Variants in TPI1 observed in about 807,000 individuals in gnomAD.
TPI1 encodes triosephosphate isomerase 1.
TPI1 carries 11 observed loss-of-function variants against 31.0 expected under a neutral mutation model. The observed-to-expected ratio is 0.36, with a 90% confidence interval of 0.22 to 0.59. The LOEUF is 0.59. TPI1 is among the 20% of genes least tolerant of loss of function. The pLI is 0.79. For missense variants in TPI1, 245 were observed against 319.7 expected, an observed-to-expected ratio of 0.77 and a Z score of 1.78; for synonymous variants, 121 against 122.8, an observed-to-expected ratio of 0.99 and a Z score of 0.10.
chr12:6,867,706 T>TGGCCGGGCCGG (rs1465221372), intron 1 of TPI1, 25 bp downstream of exon 1: 1 of 1,578,140 alleles, frequency 6.3e-7, no homozygotes, highest in African/African-American at 1.4e-5. Flanking sequence ...AGGAGGGGTC[T>TGGCCGGGCCGG]GGCCGGGCCG....
At position 6,867,596 on chromosome 12, in the gene TPI1, G is replaced by C; in HGVS notation, c.30G>C (p.Gly10=). ...CGCCCTCCAGGAAGTTCTTCGTTGG[G>C]GGAAACTGGAAGATGAACGGGCGGA... MAPSRKFFV[G]GNWKMNGRKQ... The change falls in exon 1 of 7, where the codon GGG becomes GGC. Residue 10 remains glycine (G), a synonymous_variant. Transcript: ENST00000396705. 6.2e-7 allele frequency: 1 copy of C among 1,613,112 alleles called. No homozygotes were observed. Among genetic ancestry groups the C allele is most frequent in the Non-Finnish European group, 8.5e-7 (1 of 1,179,788 alleles).
chr12:6,868,339 G>A, intron 1 of TPI1: 2 of 1,287,778 alleles, frequency 1.6e-6, no homozygotes, highest in Non-Finnish European at 2.0e-6. Flanking sequence ...TGCCACCCAC[G>A]GGCAAAGGAT....
At chr12:6,868,360 A>G (rs1274870561) in intron 1 of TPI1, 49 of 1,287,718 alleles carry the variant, frequency 3.8e-5, no homozygotes, top group Non-Finnish European at 5.0e-5. Flanking sequence ...GCTCTCCTCC[A>G]TCCTCCTTCC....
At position 6,869,669 on chromosome 12, in the gene TPI1, CT is replaced by C. The variant is rs781911173; in HGVS notation, c.458-18del. ...CTTTCTTGTTCACCCTTCCCTCCATCTGTATCTCTGCCCTGCAGATAACGTG... is the reference window on the plus strand; with the variant it reads ...CTTTCTTGTTCACCCTTCCCTCCATCGTATCTCTGCCCTGCAGATAACGTG... On this transcript the variant is annotated intron_variant, in intron 4 of 6. Coordinates refer to ENST00000396705, the MANE Select transcript of TPI1 (RefSeq NM_000365.6). The C allele has an allele frequency of 7.1e-5, 114 of 1,613,948 alleles. No individual in the cohort carries two copies. The Middle Eastern group carries it at 8.3e-4, about 12-fold the overall frequency.
intron 1 of TPI1, chr12:6,868,318 A>C: frequency 7.8e-7 from 1 of 1,287,632 alleles, no homozygotes; most frequent in Non-Finnish European, 1.0e-6. Flanking sequence ...CCTCTGAGTC[A>C]GTTAGGTCTC....
chr12:6,867,719 G>A, intron 1 of TPI1, 38 bp downstream of exon 1: 1 of 1,555,256 alleles, frequency 6.4e-7, no homozygotes, highest in Non-Finnish European at 8.7e-7. Context: ...CCGGGCCGGG[G>A]CCGGGGCCGG....
In TPI1 at chr12:6,870,139, G is replaced by T; in HGVS notation, c.631+3G>T. 6.2e-7 allele frequency: 1 copy of T among 1,612,482 alleles called. No homozygotes were observed. On this transcript the variant is annotated splice_donor_region_variant and intron_variant, in intron 6 of 6. Transcript: ENST00000396705. ...GAGCACCCGTATCATTTATGGAGGTGAGTGGCTTTGGTTCCCGGCTGAGGT... is the reference window on the plus strand; with the variant it reads ...GAGCACCCGTATCATTTATGGAGGTTAGTGGCTTTGGTTCCCGGCTGAGGT...
chr12:6,869,149 CAGAG>C lies in TPI1; in HGVS notation c.294_297del (p.Arg99GlyfsTer10). ...GCCACGTGGGTGGTCCTGGGGCACT[CAGAG>C]AGAAGGCATGTCTTTGGGGAGTCAG... is the stretch of plus-strand genomic sequence containing the variant. On this transcript the variant is annotated frameshift_variant, in exon 3 of 7. Transcript: ENST00000396705. LOFTEE classifies it high-confidence loss of function. 6.2e-7 allele frequency: 1 copy of C among 1,614,170 alleles called. No homozygotes were observed. The highest frequency in any genetic ancestry group is 1.1e-5 in the South Asian group (1 of 91,074).
intron 1 of TPI1, chr12:6,868,661 T>A: frequency 7.6e-7 from 1 of 1,316,156 alleles, no homozygotes; most frequent in South Asian, 1.4e-5. Flanking sequence ...CTCTCAGGGG[T>A]ATCTGGAAGG....
rs2138095406 is a variant in TPI1 at position 6,870,311 on chromosome 12, T to C, written c.678T>C (p.Asp226=). 1 of 1,614,218 alleles carries C rather than the reference T, an allele frequency of 6.2e-7. No individual in the cohort carries two copies. Among genetic ancestry groups the C allele is most frequent in the Non-Finnish European group, 8.5e-7 (1 of 1,180,038 alleles). Residue 226 remains aspartate (D), a synonymous_variant, in exon 7 of 7, where the codon GAT becomes GAC. Coordinates refer to ENST00000396705, the MANE Select transcript of TPI1 (RefSeq NM_000365.6). The part of the protein sequence containing the change: ...ATCKELASQP[D]VDGFLVGGAS... ...GCAAGGAGCTGGCCAGCCAGCCTGA[T>C]GTGGATGGCTTCCTTGTGGGTGGTG... is the stretch of plus-strand genomic sequence containing the variant.
At chr12:6,868,228 C>T (rs1011574500) in intron 1 of TPI1, 1 of 1,287,812 alleles carries the variant, frequency 7.8e-7, no homozygotes, top group Non-Finnish European at 1.0e-6. Flanking sequence ...GGACCGAGCC[C>T]GTGCCAAACA....
intron 6 of TPI1, 42 bp from the exon 7 acceptor site, chr12:6,870,223 C>G: frequency 1.9e-6 from 3 of 1,603,834 alleles, no homozygotes; most frequent in Non-Finnish European, 2.6e-6. Context: ...GGGGCAGACT[C>G]ATCCCATTCT....
chr12:6,867,863 C>T (rs1944492313), intron 1 of TPI1, among the ~76,000 whole-genome samples, 182 bp downstream of exon 1: 1 of 152,186 alleles, frequency 6.6e-6, no homozygotes, highest in South Asian at 2.1e-4. Flanking sequence ...CCCGTCGGTG[C>T]GTCGAGGGGG....
intron 5 of TPI1, 102 bp from the exon 6 acceptor site, chr12:6,869,947 C>A (rs1172284018): frequency 3.5e-5 from 51 of 1,447,326 alleles, no homozygotes; most frequent in Non-Finnish European, 5.0e-5. Context: ...AGCCCTGGTA[C>A]TCTGACTCAG....
Position 6,870,864 on chromosome 12 carries a change from G to C in TPI1, c.*481G>C. On this transcript the variant is annotated 3_prime_UTR_variant, in exon 7 of 7. Transcript: ENST00000396705. ...TGTCTGCCTTCACTGGACTTGCCCA[G>C]ATAATCTTCCTTTTTGAGGCAGCTA... 1 of 561,488 alleles carries C rather than the reference G, an allele frequency of 1.8e-6. No individual in the cohort carries two copies. Among genetic ancestry groups the C allele is most frequent in the Non-Finnish European group, 3.4e-6 (1 of 297,886 alleles). 34.8% of individuals were successfully genotyped at this position (561,488 alleles called of 1,614,324 possible).
In TPI1 at chr12:6,869,708, A is replaced by G. The variant is rs139592683; in HGVS notation, c.478A>G (p.Lys160Glu). ...VIADNVKDWS[K>E]VVLAYEPVWA... The stretch of plus-strand genomic sequence containing the variant: ...TGCAGATAACGTGAAGGACTGGAGC[A>G]AGGTCGTCCTGGCCTATGAGCCTGT... Residue 160 changes from lysine (K) to glutamate (E), a missense_variant, in exon 5 of 7, where the codon AAG becomes GAG. Transcript: ENST00000396705. 36 of 1,614,116 alleles carry G rather than the reference A, an allele frequency of 2.2e-5. No individual in the cohort carries two copies. Among genetic ancestry groups the G allele is most frequent in the Non-Finnish European group, 2.7e-5 (32 of 1,180,044 alleles).
chr12:6,868,780 G>C (rs782290563), intron 1 of TPI1, 84 bp from the exon 2 acceptor site: 56 of 1,542,914 alleles, frequency 3.6e-5, no homozygotes, highest in Non-Finnish European at 4.7e-5. Flanking sequence ...TGAGGGCTGG[G>C]GGGCTCCAGG....
chr12:6,868,090 C>G, intron 1 of TPI1: 4 of 1,242,916 alleles, frequency 3.2e-6, no homozygotes, highest in Non-Finnish European at 4.1e-6. Flanking sequence ...CGCCGCCGCA[C>G]GTAGCCCCAG....
In TPI1 at chr12:6,870,869, TCTTC is replaced by T. The variant is rs1944573901; in HGVS notation, c.*490_*493del. ...GCCTTCACTGGACTTGCCCAGATAA[TCTTC>T]CTTTTTGAGGCAGCTATATAAATGA... On this transcript the variant is annotated 3_prime_UTR_variant, in exon 7 of 7. Transcript: ENST00000396705. 1 of 569,532 alleles carries T rather than the reference TCTTC, an allele frequency of 1.8e-6. No homozygotes were observed. The highest frequency in any genetic ancestry group is 3.3e-6 in the Non-Finnish European group (1 of 302,598). 35.3% of individuals were successfully genotyped at this position (569,532 alleles called of 1,614,324 possible).
Sources: allele counts gnomAD v4.1 joint callset (sites outside exome capture counted in the v4.1 genomes callset), GRCh38; gene constraint gnomAD v4.1.1; transcripts MANE v1.5; gene names NCBI Gene and HGNC (gene_info 2026-07-23, HGNC 2026-07-21).